Variants in TFCP2L1 observed in about 807,000 individuals in gnomAD.
TFCP2L1 encodes transcription factor CP2 like 1.
A neutral mutation model predicts 72.2 loss-of-function variants in TFCP2L1; 12 were observed. That is an observed-to-expected ratio of 0.17 (90% CI 0.11 to 0.27). The LOEUF is 0.27. Among genes scored for constraint, TFCP2L1 ranks in the 10% least tolerant of loss-of-function variants. The pLI, the probability that TFCP2L1 is intolerant of heterozygous loss-of-function variation, is 1.00. For missense variants in TFCP2L1, 488 were observed against 624.6 expected, an observed-to-expected ratio of 0.78 and a Z score of 2.33; for synonymous variants, 260 against 251.0, an observed-to-expected ratio of 1.04 and a Z score of -0.34.
In TFCP2L1 at chr2:121,248,184, T is replaced by G. The variant is rs1202608421; in HGVS notation, c.484A>C (p.Arg162=). 1 of 1,613,960 alleles carries G rather than the reference T, an allele frequency of 6.2e-7. No homozygotes were observed. Among genetic ancestry groups the G allele is most frequent in the East Asian group, 2.2e-5 (1 of 44,880 alleles). ...CCCACCTGAATGAATGCAGAAGCTCTCTTCGCAGGGTCCCACAAAAACTCG... is the reference window on the plus strand; with the variant it reads ...CCCACCTGAATGAATGCAGAAGCTCGCTTCGCAGGGTCCCACAAAAACTCG... The part of the protein sequence containing the change: ...AVEFLWDPAK[R]ASAFIQVHCI... Residue 162 remains arginine (R), a synonymous_variant, in exon 5 of 15, where the codon AGA becomes CGA. Transcript: ENST00000263707.
In TFCP2L1 at chr2:121,280,501, T is replaced by C. The variant is rs933914406; in HGVS notation, c.214+619A>G. ...GTCCAGGCACAGTGGCTTAGGCCTA[T>C]AATCCCAGCACTTTGGGAGGCGCAG... is the stretch of plus-strand genomic sequence containing the variant. On this transcript the variant is annotated intron_variant, in intron 2 of 14. Transcript: ENST00000263707. 7.2e-5 allele frequency among the ~76,000 whole-genome samples: 11 copies of C among 152,282 alleles called. No individual in the cohort carries two copies. In the East Asian group the frequency reaches 2.1e-3, roughly 29 times the overall value.
rs1357406162 is a variant in TFCP2L1, at chr2:121,285,141, C to G, written c.-32G>C. 1.4e-6 allele frequency: 2 copies of G among 1,465,892 alleles called. No homozygotes were observed. Among genetic ancestry groups the G allele is most frequent in the Admixed American group, 4.9e-5 (2 of 40,506 alleles). 90.8% of individuals were successfully genotyped at this position (1,465,892 alleles called of 1,614,324 possible). On this transcript the variant is annotated 5_prime_UTR_variant, in exon 1 of 15. Coordinates refer to ENST00000263707, the MANE Select transcript of TFCP2L1 (RefSeq NM_014553.3). The stretch of plus-strand genomic sequence containing the variant: ...AACTCCCAGCGCGCCGACCGGGGCG[C>G]GGCAGCAAGCGCAGACGCGGGGCGC...
chr2:121,264,528 AG>A (rs1686890844), intron 2 of TFCP2L1, among the ~76,000 whole-genome samples: 1 of 152,082 alleles, frequency 6.6e-6, no homozygotes, highest in Non-Finnish European at 1.5e-5. Flanking sequence ...CAGAATCAGG[AG>A]GGGAATGAGA....
intron 2 of TFCP2L1, among the ~76,000 whole-genome samples, chr2:121,270,911 C>T (rs1404527646): frequency 1.4e-5 from 2 of 146,318 alleles, no homozygotes; most frequent in African/African-American, 5.1e-5. Context: ...AGTTGTTGGC[C>T]GGGAGTGGTG....
intron 5 of TFCP2L1, among the ~76,000 whole-genome samples, chr2:121,247,337 C>G (rs912897290): frequency 6.6e-6 from 1 of 152,114 alleles, no homozygotes; most frequent in Non-Finnish European, 1.5e-5. Flanking sequence ...GCCCTAACCC[C>G]TCTCTAATGT....
At chr2:121,241,243 C>T (rs1027782335) in intron 7 of TFCP2L1, among the ~76,000 whole-genome samples, 1 of 152,222 alleles carries the variant, frequency 6.6e-6, no homozygotes, top group African/African-American at 2.4e-5. Flanking sequence ...CCTGTAATCC[C>T]AGCACTTTGG....
At chr2:121,262,245 T>A (rs568869932) in intron 2 of TFCP2L1, among the ~76,000 whole-genome samples, 1 of 152,278 alleles carries the variant, frequency 6.6e-6, no homozygotes, top group African/African-American at 2.4e-5. Context: ...AGCAGGTGGA[T>A]CACGAGGTCA....
intron 6 of TFCP2L1, among the ~76,000 whole-genome samples, chr2:121,242,926 C>T (rs1041053036): frequency 3.9e-5 from 6 of 152,234 alleles, no homozygotes; most frequent in East Asian, 3.8e-4. Flanking sequence ...TGCAGGGGAA[C>T]GTCTCCATCC....
chr2:121,253,727 TGA>T (rs1686657052), intron 2 of TFCP2L1, among the ~76,000 whole-genome samples: 1 of 152,066 alleles, frequency 6.6e-6, no homozygotes, highest in African/African-American at 2.4e-5. Context: ...AGCCATTGAG[TGA>T]GGCGTTAGGC....
chr2:121,235,169 A>G (rs1686219595), intron 11 of TFCP2L1, 52 bp downstream of exon 11: 2 of 1,597,460 alleles, frequency 1.3e-6, no homozygotes, highest in Non-Finnish European at 1.7e-6. Flanking sequence ...TTCCCACCAC[A>G]TGCCACGGGA....
In TFCP2L1 at chr2:121,242,620, G is replaced by A. The variant is rs1686400576; in HGVS notation, c.658-151C>T. On this transcript the variant is annotated intron_variant, in intron 6 of 14. Transcript: ENST00000263707. Reference sequence around the variant, plus strand: ...ACCTATCTCCCCTCCCATTCTGCCTGAATGCTTCCCCACCTGAGGAACTCG... The same window carrying A: ...ACCTATCTCCCCTCCCATTCTGCCTAAATGCTTCCCCACCTGAGGAACTCG... The A allele has an allele frequency of 7.1e-6, 5 of 703,816 alleles. No homozygotes were observed. In the South Asian group the frequency reaches 8.4e-5, roughly 12 times the overall value. 43.6% of individuals were successfully genotyped at this position (703,816 alleles called of 1,614,324 possible).
At position 121,248,968 on chromosome 2, in the gene TFCP2L1, G is replaced by A. The variant is rs1686546412; in HGVS notation, c.397+14C>T. 6.4e-7 allele frequency: 1 copy of A among 1,567,610 alleles called. No individual in the cohort carries two copies. The highest frequency in any genetic ancestry group is 8.6e-7 in the Non-Finnish European group (1 of 1,157,228). On this transcript the variant is annotated intron_variant, in intron 4 of 14. Transcript: ENST00000263707. ...CTCGAGCCTTGCCTGGCCTCTCCTG[G>A]CCAGGAGACTCACCGATGTCCAGGA... is the stretch of plus-strand genomic sequence containing the variant.
rs576985858 is a variant in TFCP2L1 at position 121,220,952 on chromosome 2, C to G, written c.*3389G>C. On this transcript the variant is annotated 3_prime_UTR_variant, in exon 15 of 15. Transcript: ENST00000263707. ...AAAATGGAAGACTCTACTAATAGCA[C>G]ACTTAAGGTAACAGACTTTTATTAC... 1.2e-4 allele frequency: 19 copies of G among 152,294 alleles called. No homozygotes were observed. Among genetic ancestry groups the G allele is most frequent in the African/African-American group, 4.6e-4 (19 of 41,554 alleles). 9.4% of individuals were successfully genotyped at this position (152,294 alleles called of 1,614,324 possible). A position where few individuals can be genotyped will look rare whatever the true frequency, so the allele number is the denominator to read the frequency against.
intron 2 of TFCP2L1, among the ~76,000 whole-genome samples, chr2:121,252,753 G>T (rs796390021): frequency 6.6e-6 from 1 of 152,126 alleles, no homozygotes; most frequent in African/African-American, 2.4e-5. Flanking sequence ...AACCGTGAGA[G>T]AATCATTTTT....
chr2:121,228,963 C>T (rs111819670), intron 13 of TFCP2L1, among the ~76,000 whole-genome samples: 4 of 151,726 alleles, frequency 2.6e-5, no homozygotes, highest in African/African-American at 4.8e-5. Flanking sequence ...TCTGTTGCCC[C>T]GGCTGGAGTG....
At chr2:121,282,023 C>A (rs1335226084) in intron 1 of TFCP2L1, among the ~76,000 whole-genome samples, 20 of 151,952 alleles carry the variant, frequency 1.3e-4, no homozygotes, top group Non-Finnish European at 1.3e-4. Flanking sequence ...ACCTCCACCT[C>A]CCGGGTTCAA....
At chr2:121,226,019 G>A (rs1278068330) in intron 13 of TFCP2L1, among the ~76,000 whole-genome samples, 1 of 137,990 alleles carries the variant, frequency 7.2e-6, no homozygotes, top group Non-Finnish European at 1.6e-5. Context: ...CACTGCCACG[G>A]TGTCCATACA....
intron 10 of TFCP2L1, among the ~76,000 whole-genome samples, chr2:121,235,617 T>C (rs1348298540): frequency 6.7e-6 from 1 of 148,560 alleles, no homozygotes; most frequent in Non-Finnish European, 1.5e-5. Flanking sequence ...GGTCTCAATA[T>C]ATTGCCTAGC....
chr2:121,225,844 C>T (rs1404969258), intron 13 of TFCP2L1, among the ~76,000 whole-genome samples: 1 of 149,292 alleles, frequency 6.7e-6, no homozygotes, highest in African/African-American at 2.5e-5. Context: ...ACGGTAAACA[C>T]CACTGCCACG....
Sources: gnomAD v4.1 joint callset for allele counts (sites outside exome capture counted in the v4.1 genomes callset) on GRCh38, gnomAD v4.1.1 for gene constraint, MANE v1.5 for transcripts, NCBI Gene and HGNC (gene_info 2026-07-23, HGNC 2026-07-21) for gene names.